Variants in CAMK2A observed in about 807,000 individuals in gnomAD.
The protein encoded by CAMK2A is calcium/calmodulin dependent protein kinase II alpha, also known as calcium/calmodulin-dependent protein kinase type II subunit alpha.
Under a neutral mutation model 79.2 loss-of-function variants are expected in CAMK2A, and 7 were observed. That is an observed-to-expected ratio of 0.09 (90% CI 0.05 to 0.17). The LOEUF (loss-of-function observed/expected upper bound fraction) is 0.17, where lower values mean the gene tolerates loss of function less well. Among genes scored for constraint, CAMK2A ranks in the 10% least tolerant of loss-of-function variants. CAMK2A has a pLI of 1.00. For synonymous variants in CAMK2A, 242 were observed against 251.7 expected, an observed-to-expected ratio of 0.96 and a Z score of 0.36; for missense variants, 214 against 646.4, an observed-to-expected ratio of 0.33 and a Z score of 7.25.
intron 2 of CAMK2A, among the ~76,000 whole-genome samples, chr5:150,269,603 C>G (rs1756652035): frequency 1.3e-5 from 2 of 152,108 alleles, no homozygotes; most frequent in Admixed American, 1.3e-4. Flanking sequence ...ATCCTCCCAA[C>G]TTGGCCTCCC....
At chr5:150,230,899 G>T (rs1754808485) in intron 16 of CAMK2A, among the ~76,000 whole-genome samples, 1 of 152,196 alleles carries the variant, frequency 6.6e-6, no homozygotes, top group African/African-American at 2.4e-5. Flanking sequence ...GTCCAAGGGA[G>T]TCTAGGGTGA....
chr5:150,225,041 G>GGAGAGAGAGAGAGA (rs58360121), intron 17 of CAMK2A, among the ~76,000 whole-genome samples: 21 of 108,932 alleles, frequency 1.9e-4, no homozygotes, highest in Admixed American at 1.0e-3. Context: ...TGGTAGGTAG[G>GGAGAGAGAGAGAGA]GAGAGAGAGA....
At chr5:150,283,196 C>T (rs1343318179) in intron 1 of CAMK2A, among the ~76,000 whole-genome samples, 3 of 152,220 alleles carry the variant, frequency 2.0e-5, no homozygotes, top group Non-Finnish European at 4.4e-5. Context: ...TAGGACCCAG[C>T]ATCTGGAAAT....
intron 2 of CAMK2A, among the ~76,000 whole-genome samples, chr5:150,269,527 A>G (rs2150298930): frequency 6.6e-6 from 1 of 151,860 alleles, no homozygotes; most frequent in South Asian, 2.1e-4. Context: ...AATTTTTTAT[A>G]TTTTTAATAG....
chr5:150,277,481 G>A (rs1378104711), intron 1 of CAMK2A, among the ~76,000 whole-genome samples: 2 of 152,238 alleles, frequency 1.3e-5, no homozygotes, highest in Non-Finnish European at 2.9e-5. Context: ...GGCTCAGTGA[G>A]CCAAGGCCGT....
chr5:150,266,170 T>C (rs941939220), intron 2 of CAMK2A, among the ~76,000 whole-genome samples: 1 of 152,020 alleles, frequency 6.6e-6, no homozygotes, highest in Admixed American at 6.6e-5. Flanking sequence ...GCAAGTCTCC[T>C]GGGGCTCCCC....
At chr5:150,247,875 A>G (rs1755642899) in intron 11 of CAMK2A, 61 bp from the exon 12 acceptor site, 3 of 1,455,470 alleles carry the variant, frequency 2.1e-6, no homozygotes, top group East Asian at 2.3e-5. Flanking sequence ...CCCAGGAGGG[A>G]CAGAGAGACG....
intron 17 of CAMK2A, among the ~76,000 whole-genome samples, chr5:150,225,179 A>G (rs1381199706): frequency 3.3e-5 from 5 of 151,934 alleles, no homozygotes; most frequent in Non-Finnish European, 1.5e-5. Flanking sequence ...CCCAGAAGGG[A>G]CAAACAGAGC....
intron 2 of CAMK2A, among the ~76,000 whole-genome samples, chr5:150,267,724 G>A (rs556404774): frequency 2.6e-5 from 4 of 152,166 alleles, no homozygotes; most frequent in South Asian, 2.1e-4. Flanking sequence ...CTCCGAGGCC[G>A]TGTTCTGTTA....
At chr5:150,245,245 C>A in intron 12 of CAMK2A, 44 bp from the exon 13 acceptor site, 2 of 1,591,210 alleles carry the variant, frequency 1.3e-6, no homozygotes, top group Non-Finnish European at 1.7e-6. Context: ...CCAGGCAGGG[C>A]ACCAGGGCCC....
chr5:150,270,135 A>T (rs1190569073), intron 2 of CAMK2A, among the ~76,000 whole-genome samples: 7 of 152,186 alleles, frequency 4.6e-5, no homozygotes, highest in Non-Finnish European at 1.0e-4. Context: ...ACAGCACCTG[A>T]TGGGGGTTAA....
intron 7 of CAMK2A, 33 bp downstream of exon 7, chr5:150,253,411 C>T (rs183476613): frequency 7.9e-6 from 12 of 1,524,496 alleles, no homozygotes; most frequent in Non-Finnish European, 1.0e-5. Flanking sequence ...TGGGTGCTGA[C>T]CCCCAACACT....
At chr5:150,238,197 TC>T (rs1267241236) in intron 15 of CAMK2A, 2 of 162,238 alleles carry the variant, frequency 1.2e-5, no homozygotes, top group African/African-American at 2.4e-5. Context: ...ATGCCTGTAA[TC>T]CCAGCACTTT....
Position 150,257,537 on chromosome 5 carries a change from G to A in CAMK2A, c.272+26C>T, listed in dbSNP as rs79072236. On this transcript the variant is annotated intron_variant, in intron 4 of 18. Transcript: ENST00000671881. The stretch of plus-strand genomic sequence containing the variant: ...GTTAGGCAGCCCCAACACCGTTGGC[G>A]CATCCCAGGGCGGGGCCAAACTCAC... 1.9e-5 allele frequency: 30 copies of A among 1,553,572 alleles called. No homozygotes were observed. In the African/African-American group the frequency reaches 3.0e-4, roughly 16 times the overall value.
intron 2 of CAMK2A, among the ~76,000 whole-genome samples, chr5:150,272,754 C>CAA (rs1445449207): frequency 2.0e-5 from 3 of 151,722 alleles, no homozygotes; most frequent in Non-Finnish European, 4.4e-5. Context: ...GGGTAGAGGT[C>CAA]TGGAGGGGAG....
intron 1 of CAMK2A, among the ~76,000 whole-genome samples, chr5:150,287,132 AG>A (rs1173991514): frequency 6.6e-6 from 1 of 152,192 alleles, no homozygotes; most frequent in Non-Finnish European, 1.5e-5. Context: ...CAGGAGCCCC[AG>A]GCTCCTCAAT....
At position 150,273,168 on chromosome 5, in the gene CAMK2A, A is replaced by G; in HGVS notation, c.63-9T>C. ...CCACCGAGAAGGCTCCCCTAGGAGGACAGAGAAGGTGGAGAGGGTGAGGGA... is the reference window on the plus strand; with the variant it reads ...CCACCGAGAAGGCTCCCCTAGGAGGGCAGAGAAGGTGGAGAGGGTGAGGGA... On this transcript the variant is annotated splice_polypyrimidine_tract_variant and intron_variant, in intron 1 of 18. Coordinates refer to ENST00000671881, the MANE Select transcript of CAMK2A (RefSeq NM_015981.4). 6.2e-7 allele frequency: 1 copy of G among 1,608,930 alleles called. No individual in the cohort carries two copies. Among genetic ancestry groups the G allele is most frequent in the African/African-American group, 1.3e-5 (1 of 74,480 alleles).
chr5:150,273,046 G>A lies in CAMK2A; in HGVS notation c.157+19C>T. ...AGGAGAGCCCTGGAGGGTGGGCAGGGTAGAAATCAGGCACCTACCTCTGGC... is the reference window on the plus strand; with the variant it reads ...AGGAGAGCCCTGGAGGGTGGGCAGGATAGAAATCAGGCACCTACCTCTGGC... On this transcript the variant is annotated intron_variant, in intron 2 of 18. Coordinates refer to ENST00000671881, the MANE Select transcript of CAMK2A (RefSeq NM_015981.4). 1 of 1,598,964 alleles carries A rather than the reference G, an allele frequency of 6.3e-7. No homozygotes were observed. Among genetic ancestry groups the A allele is most frequent in the Non-Finnish European group, 8.6e-7 (1 of 1,166,494 alleles).
chr5:150,228,803 A>T (rs1754717530), intron 16 of CAMK2A, among the ~76,000 whole-genome samples: 1 of 152,234 alleles, frequency 6.6e-6, no homozygotes, highest in Admixed American at 6.5e-5. Flanking sequence ...ATTTGAACAA[A>T]GGTGCCCTAT....
Sources: allele counts gnomAD v4.1 joint callset (sites outside exome capture counted in the v4.1 genomes callset), GRCh38; gene constraint gnomAD v4.1.1; transcripts MANE v1.5; gene names NCBI Gene and HGNC (gene_info 2026-07-23, HGNC 2026-07-21).